The following SMPD1 variants were observed in gnomAD, a reference collection of about 807,000 sequenced individuals.
SMPD1 encodes the protein sphingomyelin phosphodiesterase 1.
SMPD1 carries 47 observed loss-of-function variants against 49.7 expected under a neutral mutation model. That is an observed-to-expected ratio of 0.95 (90% CI 0.75 to 1.21). The LOEUF is 1.21. Among genes scored for constraint, SMPD1 ranks in the 50% most tolerant of loss-of-function variants. The pLI is 0.00. For missense variants in SMPD1, 811 were observed against 822.2 expected (o/e 0.99, Z 0.17); for synonymous variants, 336 against 339.6 (o/e 0.99, Z 0.12).
chr11:6,391,596 C>A lies in SMPD1; in HGVS notation c.531C>A (p.Asn177Lys). The part of the protein sequence containing the change: ...CGHWDIFSSW[N>K]ISLPTVPKPP... ...ACTGGGACATTTTCTCATCTTGGAACATCTCTTTGCCTACTGTGCCGAAGC... is the reference window on the plus strand; with the variant it reads ...ACTGGGACATTTTCTCATCTTGGAAAATCTCTTTGCCTACTGTGCCGAAGC... The change falls in exon 2 of 6, where the codon AAC becomes AAA. Residue 177 changes from asparagine (N) to lysine (K), a missense_variant. Physicochemically the swap from Asn to Lys is moderately conservative, Grantham distance 94. Coordinates refer to ENST00000342245, the MANE Select transcript of SMPD1 (RefSeq NM_000543.5). 1 of 1,608,356 alleles carries A rather than the reference C, an allele frequency of 6.2e-7. No individual in the cohort carries two copies. The highest frequency in any genetic ancestry group is 1.7e-5 in the Admixed American group (1 of 59,386).
rs1382534368 is a variant in SMPD1 at position 6,390,740 on chromosome 11, G to GCTCTGT, written c.145_150dup (p.Leu49_Ser50dup). 6.2e-7 allele frequency: 1 copy of GCTCTGT among 1,604,772 alleles called. No homozygotes were observed. The highest frequency in any genetic ancestry group is 8.5e-7 in the Non-Finnish European group (1 of 1,173,848). On this transcript the variant is annotated inframe_insertion, in exon 1 of 6. Coordinates refer to ENST00000342245, the MANE Select transcript of SMPD1 (RefSeq NM_000543.5). Reference sequence around the variant, plus strand: ...GGCGCTGGCGCTGGCGCTGGCGCTGGCTCTGTCTGACTCTCGGGTTCTCTG... The same window carrying GCTCTGT: ...GGCGCTGGCGCTGGCGCTGGCGCTGGCTCTGTCTCTGTCTGACTCTCGGGTTCTCTG...
rs756326903 is a variant in SMPD1 at position 6,392,329 on chromosome 11, CTTTTTTTTTTT to C, written c.1091+184_1091+194del. The C allele has an allele frequency of 2.9e-4, 119 of 404,218 alleles. 2 individuals carry two copies. The African/African-American group carries it at 3.0e-3, about 10-fold the overall frequency. 25.0% of individuals were successfully genotyped at this position (404,218 alleles called of 1,614,324 possible). A position where few individuals can be genotyped will look rare whatever the true frequency, so the allele number is the denominator to read the frequency against. ...CTTTCTACTGTTTTGCCGCACCAGGCTTTTTTTTTTTTTTTTTTTTTAGTTTAGTTTTTGTA... is the reference window on the plus strand; with the variant it reads ...CTTTCTACTGTTTTGCCGCACCAGGCTTTTTTTTTTAGTTTAGTTTTTGTA... On this transcript the variant is annotated intron_variant, in intron 2 of 5. Transcript: ENST00000342245.
chr11:6,392,327 G>T, intron 2 of SMPD1, 171 bp downstream of exon 2: 2 of 564,340 alleles, frequency 3.5e-6, no homozygotes, highest in Non-Finnish European at 3.0e-6. Flanking sequence ...TGCCGCACCA[G>T]GCTTTTTTTT....
chr11:6,394,483 G>A lies in SMPD1; in HGVS notation c.1772G>A (p.Arg591His), dbSNP rs189116118. The A allele has an allele frequency of 5.5e-5, 89 of 1,613,816 alleles. No homozygotes were observed. The highest frequency in any genetic ancestry group is 1.7e-4 in the Admixed American group (10 of 60,022). ...PPSEPCGTPC[R>H]LATLCAQLSA... ...TCGGAGCCCTGTGGCACGCCCTGCC[G>A]TCTGGCTACTCTTTGTGCCCAGCTC... The change falls in exon 6 of 6, where the codon CGT becomes CAT. Residue 591 changes from arginine to histidine, a missense_variant. Physicochemically the swap from Arg to His is conservative, Grantham distance 29. Transcript: ENST00000342245.
Position 6,390,571 on chromosome 11 carries a change from G to C in SMPD1, c.-28G>C, listed in dbSNP as rs549375319. Reference sequence around the variant, plus strand: ...CCAGGCCGGGGGGGACGGGACAGACGAACCAGCCCCGTGTAGGAAGCGCGA... The same window carrying C: ...CCAGGCCGGGGGGGACGGGACAGACCAACCAGCCCCGTGTAGGAAGCGCGA... On this transcript the variant is annotated 5_prime_UTR_variant, in exon 1 of 6. Coordinates refer to ENST00000342245, the MANE Select transcript of SMPD1 (RefSeq NM_000543.5). 1 of 1,606,006 alleles carries C rather than the reference G, an allele frequency of 6.2e-7. No homozygotes were observed. Among genetic ancestry groups the C allele is most frequent in the East Asian group, 2.2e-5 (1 of 44,514 alleles).
In SMPD1 at chr11:6,393,507, G is replaced by T. The variant is rs1008246549; in HGVS notation, c.1264-110G>T. ...GCATTCCCAACAAGTGTTCCCTGGG[G>T]ATTCAGCTCATGGTCACTGTTGAAA... On this transcript the variant is annotated intron_variant, in intron 3 of 5. Transcript: ENST00000342245. The T allele has an allele frequency of 5.9e-5, 83 of 1,396,032 alleles. No homozygotes were observed. The Admixed American group carries it at 1.4e-3, about 24-fold the overall frequency. The allele number at this position is 1,396,032 out of a possible 1,614,324, so 86.5% of individuals were successfully genotyped here. A position where few individuals can be genotyped will look rare whatever the true frequency, so the allele number is the denominator to read the frequency against.
At position 6,393,348 on chromosome 11, in the gene SMPD1, G is replaced by C; in HGVS notation, c.1224G>C (p.Leu408=). The C allele has an allele frequency of 6.2e-7, 1 of 1,613,976 alleles. No individual in the cohort carries two copies. The highest frequency in any genetic ancestry group is 8.5e-7 in the Non-Finnish European group (1 of 1,179,846). The change falls in exon 3 of 6, where the codon CTG becomes CTC. Residue 408 remains leucine, a synonymous_variant. Coordinates refer to ENST00000342245, the MANE Select transcript of SMPD1 (RefSeq NM_000543.5). ...STDPAGQLQW[L]VGELQAAEDR... Reference sequence around the variant, plus strand: ...ATCCCGCAGGACAGCTCCAGTGGCTGGTGGGGGAGCTTCAGGCTGCTGAGG... The same window carrying C: ...ATCCCGCAGGACAGCTCCAGTGGCTCGTGGGGGAGCTTCAGGCTGCTGAGG...
chr11:6,391,224 C>G (rs1270597950), intron 1 of SMPD1, among the ~76,000 whole-genome samples, 160 bp from the exon 2 acceptor site: 2 of 152,236 alleles, frequency 1.3e-5, no homozygotes, highest in Non-Finnish European at 2.9e-5. Flanking sequence ...GCCTGAGTTA[C>G]AGGGCAATAT....
chr11:6,394,547 G>A lies in SMPD1; in HGVS notation c.1836G>A (p.Leu612=), dbSNP rs1413475417. The part of the protein sequence containing the change: ...RADSPALCRH[L]MPDGSLPEAQ... ...ACAGCCCTGCTCTGTGCCGCCACCTGATGCCAGATGGGAGCCTCCCAGAGG... is the reference window on the plus strand; with the variant it reads ...ACAGCCCTGCTCTGTGCCGCCACCTAATGCCAGATGGGAGCCTCCCAGAGG... Residue 612 remains leucine (L), a synonymous_variant, in exon 6 of 6, where the codon CTG becomes CTA. Transcript: ENST00000342245. 1.9e-6 allele frequency: 3 copies of A among 1,608,686 alleles called. No individual in the cohort carries two copies. The highest frequency in any genetic ancestry group is 2.5e-6 in the Non-Finnish European group (3 of 1,179,978).
chr11:6,392,730 T>C (rs1166643629), intron 2 of SMPD1, among the ~76,000 whole-genome samples: 7 of 149,846 alleles, frequency 4.7e-5, no homozygotes, highest in Non-Finnish European at 1.0e-4. Context: ...CCTGACCTCA[T>C]GATCTGCCCA....
At chr11:6,392,209 G>A (rs541019993) in intron 2 of SMPD1, 53 bp downstream of exon 2, 2 of 1,600,740 alleles carry the variant, frequency 1.2e-6, no homozygotes, top group African/African-American at 2.7e-5. Flanking sequence ...GAATGAAAGT[G>A]AAGGGAGAAG....
chr11:6,390,864 T>A lies in SMPD1; in HGVS notation c.266T>A (p.Leu89His). 1.1e-5 allele frequency: 17 copies of A among 1,614,034 alleles called. No homozygotes were observed. Among genetic ancestry groups the A allele is most frequent in the Non-Finnish European group, 1.4e-5 (17 of 1,179,984 alleles). Residue 89 changes from leucine (L) to histidine (H), a missense_variant, in exon 1 of 6, where the codon CTC (leucine) becomes CAC (histidine). By Grantham distance (99) the Leu-to-His change is moderately conservative (BLOSUM62 -3). Transcript: ENST00000342245. Reference sequence around the variant, plus strand: ...CGAGATGTCTTTGGGTGGGGGAACCTCACCTGCCCAATCTGCAAAGGTCTA... The same window carrying A: ...CGAGATGTCTTTGGGTGGGGGAACCACACCTGCCCAATCTGCAAAGGTCTA... ...RLRDVFGWGN[L>H]TCPICKGLFT...
rs930241746 is a variant in SMPD1, at chr11:6,393,453, C to T, written c.1263+66C>T. 1.8e-5 allele frequency: 28 copies of T among 1,539,042 alleles called. No homozygotes were observed. The African/African-American group carries it at 3.7e-4, about 20-fold the overall frequency. On this transcript the variant is annotated intron_variant, in intron 3 of 5. Coordinates refer to ENST00000342245, the MANE Select transcript of SMPD1 (RefSeq NM_000543.5). ...AGCAGGCTCCTGTTGAGCTGGAGCA[C>T]CTCTGGGCACAGAAGTTTTATTTTC... is the stretch of plus-strand genomic sequence containing the variant.
Position 6,394,268 on chromosome 11 carries a change from C to A in SMPD1, c.1557C>A (p.Tyr519Ter), listed in dbSNP as rs756192072. The A allele has an allele frequency of 1.2e-6, 2 of 1,614,114 alleles. No individual in the cohort carries two copies. Among genetic ancestry groups the A allele is most frequent in the Non-Finnish European group, 1.7e-6 (2 of 1,180,030 alleles). The change falls in exon 6 of 6, where the codon TAC becomes TAA. Residue 519 changes from tyrosine to a stop codon, truncating the protein, a stop_gained. Coordinates refer to ENST00000342245, the MANE Select transcript of SMPD1 (RefSeq NM_000543.5). LOFTEE classifies it high-confidence loss of function. ...ACGTGGTCCTGGACCATGAGACCTA[C>A]ATCCTGAATCTGACCCAGGCAAACA... The part of the protein sequence containing the change: ...SSHVVLDHET[Y>*]ILNLTQANIP...
intron 2 of SMPD1, among the ~76,000 whole-genome samples, chr11:6,392,684 G>A (rs957390439): frequency 6.6e-6 from 1 of 151,046 alleles, no homozygotes; most frequent in Non-Finnish European, 1.5e-5. Flanking sequence ...TAGTAGAGAT[G>A]GGGTTTCACC....
chr11:6,391,433 A>T lies in SMPD1; in HGVS notation c.368A>T (p.Asn123Ile), dbSNP rs755805263. 1 of 1,613,520 alleles carries T rather than the reference A, an allele frequency of 6.2e-7. No homozygotes were observed. The highest frequency in any genetic ancestry group is 8.5e-7 in the Non-Finnish European group (1 of 1,180,014). The change falls in exon 2 of 6, where the codon AAT becomes ATT. Residue 123 changes from asparagine (N) to isoleucine (I), a missense_variant. Asn to Ile is a moderately radical substitution (Grantham distance 149). Transcript: ENST00000342245. ...RVGSVAIKLC[N>I]LLKIAPPAVC... ...GGCTCCGTGGCCATCAAGCTGTGCAATCTGCTGAAGATAGCACCACCTGCC... is the reference window on the plus strand; with the variant it reads ...GGCTCCGTGGCCATCAAGCTGTGCATTCTGCTGAAGATAGCACCACCTGCC...
chr11:6,393,341 A>G lies in SMPD1; in HGVS notation c.1217A>G (p.Gln406Arg). The G allele has an allele frequency of 1.2e-6, 2 of 1,613,996 alleles. No homozygotes were observed. Among genetic ancestry groups the G allele is most frequent in the Non-Finnish European group, 1.7e-6 (2 of 1,179,868 alleles). Reference protein sequence around the residue: ...INSTDPAGQLQWLVGELQAAE... With the variant: ...INSTDPAGQLRWLVGELQAAE... ...TCCACGGATCCCGCAGGACAGCTCC[A>G]GTGGCTGGTGGGGGAGCTTCAGGCT... The change falls in exon 3 of 6, where the codon CAG becomes CGG. Residue 406 changes from glutamine to arginine, a missense_variant. Coordinates refer to ENST00000342245, the MANE Select transcript of SMPD1 (RefSeq NM_000543.5).
intron 3 of SMPD1, 24 bp from the exon 4 acceptor site, chr11:6,393,593 A>T (rs1428063001): frequency 6.3e-7 from 1 of 1,588,610 alleles, no homozygotes; most frequent in East Asian, 2.2e-5. Context: ...TGCCCTGATT[A>T]CCATCCTTAA....
At position 6,390,705 on chromosome 11, in the gene SMPD1, T is replaced by TGCTGGCGCTGGC. The variant is rs3838786; in HGVS notation, c.132_143dup (p.Ala46_Leu49dup). 46 of 1,594,984 alleles carry TGCTGGCGCTGGC rather than the reference T, an allele frequency of 2.9e-5. No individual in the cohort carries two copies. In the African/African-American group the frequency reaches 4.0e-4, roughly 14 times the overall value. ...CCCGGACTCCTTTGGATGGGCCTGG[T>TGCTGGCGCTGGC]GCTGGCGCTGGCGCTGGCGCTGGCG... On this transcript the variant is annotated inframe_insertion, in exon 1 of 6. Transcript: ENST00000342245.
Sources: allele counts gnomAD v4.1 joint callset (sites outside exome capture counted in the v4.1 genomes callset), GRCh38; gene constraint gnomAD v4.1.1; transcripts MANE v1.5; gene names NCBI Gene and HGNC (gene_info 2026-07-23, HGNC 2026-07-21).